Variants in UST observed in about 807,000 individuals in gnomAD.
UST encodes chondroitin sulfate 2-O-sulfotransferase.
UST carries 21 observed loss-of-function variants against 45.6 expected under a neutral mutation model. The ratio of observed to expected loss-of-function variants is 0.46; its 90% CI spans 0.33 to 0.66. UST has a LOEUF of 0.66. UST is among the 30% of genes least tolerant of loss of function. The probability of loss-of-function intolerance (pLI) is 0.02; values close to 1 mark genes in which losing one functional copy is unlikely to be tolerated. For synonymous variants in UST, 215 were observed against 200.6 expected, an observed-to-expected ratio of 1.07 and a Z score of -0.61; for missense variants, 463 against 512.4, an observed-to-expected ratio of 0.90 and a Z score of 0.93.
Position 149,019,215 on chromosome 6 carries a change from G to T in UST, c.758G>T (p.Cys253Phe), listed in dbSNP as rs765766194. ...TTATTTTACATCATTCCGTACTTTT[G>T]TGGACAGCATCCCAGATGCAGGTAA... ...PRLFYIIPYF[C>F]GQHPRCREPG... Residue 253 changes from cysteine to phenylalanine, a missense_variant, in exon 6 of 8, where the codon TGT becomes TTT. Cys to Phe is a radical substitution (Grantham distance 205). This residue lies in a region of UST where 287 missense variants were observed against 374.2 expected (regional missense o/e 0.77). Transcript: ENST00000367463. 6.2e-7 allele frequency: 1 copy of T among 1,613,870 alleles called. No homozygotes were observed.
rs1780124504 is a variant in UST, at chr6:148,941,447, TG to T, written c.447+14del. On this transcript the variant is annotated intron_variant, in intron 3 of 7. Transcript: ENST00000367463. ...TAAAAATGAACAAGTAAGTTGACTT[TG>T]CACATTGTTAAATTGTGTTTTGCTT... 6.3e-7 allele frequency: 1 copy of T among 1,584,574 alleles called. No homozygotes were observed. The highest frequency in any genetic ancestry group is 2.3e-5 in the East Asian group (1 of 44,386).
At chr6:148,870,024 C>A (rs1778517955) in intron 1 of UST, among the ~76,000 whole-genome samples, 1 of 151,968 alleles carries the variant, frequency 6.6e-6, no homozygotes, top group Admixed American at 6.6e-5. Context: ...TAGAAAGTCA[C>A]CAAGGCCTAC....
intron 7 of UST, among the ~76,000 whole-genome samples, chr6:149,047,380 G>T (rs1776410463): frequency 6.6e-6 from 1 of 152,184 alleles, no homozygotes; most frequent in South Asian, 2.1e-4. Context: ...TGTCTTTAAT[G>T]AAATAGATTT....
At chr6:148,774,578 A>T (rs894739069) in intron 1 of UST, among the ~76,000 whole-genome samples, 1 of 152,200 alleles carries the variant, frequency 6.6e-6, no homozygotes, top group African/African-American at 2.4e-5. Flanking sequence ...TAGAACAGAG[A>T]GATCAATACA....
At chr6:148,786,870 G>A (rs953550336) in intron 1 of UST, among the ~76,000 whole-genome samples, 4 of 152,116 alleles carry the variant, frequency 2.6e-5, no homozygotes, top group African/African-American at 9.7e-5. Context: ...AACTTCACTA[G>A]CATCTGTTAT....
chr6:148,859,855 C>T (rs1037490594), intron 1 of UST, among the ~76,000 whole-genome samples: 52 of 152,126 alleles, frequency 3.4e-4, no homozygotes, highest in African/African-American at 1.2e-3. Flanking sequence ...TGATCTATAT[C>T]TCTGTTTTGG....
rs142371164 is a variant in UST at position 148,863,032 on chromosome 6, G to A, written c.248-23954G>A. 7.0e-3 allele frequency among the ~76,000 whole-genome samples: 1,066 copies of A among 152,226 alleles called. 10 individuals carry two copies. The highest frequency in any genetic ancestry group is 0.024 in the African/African-American group (998 of 41,506). On this transcript the variant is annotated intron_variant, in intron 1 of 7. Coordinates refer to ENST00000367463, the MANE Select transcript of UST (RefSeq NM_005715.3). ...GGCATTCCCTCTATTTCCTGAATTT[G>A]AATGTTGGCCTGCCTTGCTAGGTTG...
intron 2 of UST, among the ~76,000 whole-genome samples, chr6:148,910,495 A>T (rs897492103): frequency 6.6e-6 from 1 of 152,060 alleles, no homozygotes; most frequent in African/African-American, 2.4e-5. Flanking sequence ...GGTGTGAAGG[A>T]CAAGTTAAGC....
At chr6:149,022,575 A>G (rs906557317) in intron 7 of UST, among the ~76,000 whole-genome samples, 1 of 152,174 alleles carries the variant, frequency 6.6e-6, no homozygotes, top group African/African-American at 2.4e-5. Flanking sequence ...ACTCCAGCCT[A>G]GGCGACAAGA....
In UST at chr6:148,773,787, T is replaced by A. The variant is rs193157243; in HGVS notation, c.247+26110T>A. ...GCCAGGTTTAGGGCTCAGAATAGCATTTTTTTGTACGTGGGGCGCCATGAA... is the reference window on the plus strand; with the variant it reads ...GCCAGGTTTAGGGCTCAGAATAGCAATTTTTTGTACGTGGGGCGCCATGAA... On this transcript the variant is annotated intron_variant, in intron 1 of 7. Coordinates refer to ENST00000367463, the MANE Select transcript of UST (RefSeq NM_005715.3). 5.0e-3 allele frequency among the ~76,000 whole-genome samples: 755 copies of A among 152,264 alleles called. 4 individuals carry two copies. The highest frequency in any genetic ancestry group is 7.2e-3 in the Non-Finnish European group (489 of 68,014).
intron 1 of UST, among the ~76,000 whole-genome samples, chr6:148,874,702 CAATT>C (rs2114821334): frequency 6.6e-6 from 1 of 152,252 alleles, no homozygotes; most frequent in South Asian, 2.1e-4. Flanking sequence ...GCTGTGCCAG[CAATT>C]TTCCTTCATC....
chr6:148,808,183 C>T (rs1347649190), intron 1 of UST, among the ~76,000 whole-genome samples: 1 of 152,154 alleles, frequency 6.6e-6, no homozygotes, highest in Non-Finnish European at 1.5e-5. Context: ...GGTCTCCACA[C>T]ACAGAAAGGG....
At position 149,005,910 on chromosome 6, in the gene UST, G is replaced by A. The variant is rs139358446; in HGVS notation, c.682-13229G>A. Among the ~76,000 whole-genome samples the A allele has an allele frequency of 1.2e-4, 18 of 152,200 alleles. No homozygotes were observed. The East Asian group carries it at 3.1e-3, about 26-fold the overall frequency. Reference sequence around the variant, plus strand: ...CTAACACAATCACACCCAGGACAGCGGCAGATTTGAAGAGGGAGCAGTGCA... The same window carrying A: ...CTAACACAATCACACCCAGGACAGCAGCAGATTTGAAGAGGGAGCAGTGCA... On this transcript the variant is annotated intron_variant, in intron 5 of 7. Coordinates refer to ENST00000367463, the MANE Select transcript of UST (RefSeq NM_005715.3).
intron 2 of UST, among the ~76,000 whole-genome samples, chr6:148,924,571 GTCC>G (rs1253932485): frequency 3.3e-5 from 5 of 152,190 alleles, no homozygotes; most frequent in Non-Finnish European, 5.9e-5. Flanking sequence ...GGCTTTGGCT[GTCC>G]TCCTGTGCAT....
intron 1 of UST, among the ~76,000 whole-genome samples, chr6:148,786,512 G>A (rs891342580): frequency 6.6e-6 from 1 of 152,110 alleles, no homozygotes; most frequent in East Asian, 1.9e-4. Flanking sequence ...TCCTGTGTTA[G>A]TTTGCTAAGG....
At position 148,803,059 on chromosome 6, in the gene UST, T is replaced by A. The variant is rs192579924; in HGVS notation, c.247+55382T>A. On this transcript the variant is annotated intron_variant, in intron 1 of 7. Transcript: ENST00000367463. Reference sequence around the variant, plus strand: ...TTTATTATCGTTAGAGAGTGTGTCTTCCTAATAAATCCTGTGGCAGGGGCT... The same window carrying A: ...TTTATTATCGTTAGAGAGTGTGTCTACCTAATAAATCCTGTGGCAGGGGCT... Among the ~76,000 whole-genome samples, 340 of 152,294 alleles carry A rather than the reference T, an allele frequency of 2.2e-3. 1 individual carries two copies. The highest frequency in any genetic ancestry group is 3.1e-3 in the Non-Finnish European group (210 of 68,020).
chr6:148,960,663 T>C (rs539981641), intron 4 of UST, among the ~76,000 whole-genome samples: 1 of 152,236 alleles, frequency 6.6e-6, no homozygotes, highest in Non-Finnish European at 1.5e-5. Context: ...ATGTGAATGT[T>C]TTGATACCAC....
intron 2 of UST, among the ~76,000 whole-genome samples, chr6:148,897,679 TG>T (rs985797568): frequency 2.6e-5 from 4 of 151,382 alleles, no homozygotes; most frequent in Non-Finnish European, 4.4e-5. Context: ...TTGGTAGAGA[TG>T]GGGTCTCACT....
chr6:149,003,369 G>A (rs986138586), intron 5 of UST, among the ~76,000 whole-genome samples: 2 of 151,306 alleles, frequency 1.3e-5, no homozygotes, highest in Non-Finnish European at 2.9e-5. Flanking sequence ...TTATGATTAT[G>A]TAAAATTTAT....
Sources: gnomAD v4.1 joint callset for allele counts (sites outside exome capture counted in the v4.1 genomes callset) on GRCh38, gnomAD v4.1.1 for gene constraint, gnomAD v4.1.1 regional missense constraint, MANE v1.5 for transcripts, NCBI Gene and HGNC (gene_info 2026-07-23, HGNC 2026-07-21) for gene names.